The following SCUBE1 variants were observed in gnomAD, a reference collection of about 807,000 sequenced individuals.
SCUBE1 encodes signal peptide, CUB and EGF-like domain-containing protein 1.
SCUBE1 carries 59 observed loss-of-function variants against 124.4 expected under a neutral mutation model. The ratio of observed to expected loss-of-function variants is 0.47; its 90% CI spans 0.38 to 0.59. The LOEUF (loss-of-function observed/expected upper bound fraction) is 0.59. Among genes scored for constraint, SCUBE1 ranks in the 20% least tolerant of loss-of-function variants. The pLI, the probability that SCUBE1 is intolerant of heterozygous loss-of-function variation, is 0.00. For synonymous variants in SCUBE1, 545 were observed against 550.9 expected (o/e 0.99, Z 0.15); for missense variants, 1,150 against 1,371.2 (o/e 0.84, Z 2.55).
At chr22:43,275,823 G>C (rs1447390446) in intron 4 of SCUBE1, 1 of 152,618 alleles carries the variant, frequency 6.6e-6, no homozygotes, top group African/African-American at 2.4e-5. Context: ...TGGACTGTGG[G>C]AGGCCTTGGG....
At chr22:43,304,587 C>CGT (rs1041543178) in intron 3 of SCUBE1, among the ~76,000 whole-genome samples, 5 of 151,920 alleles carry the variant, frequency 3.3e-5, no homozygotes, top group South Asian at 2.1e-4. Context: ...TGCGGTTGGT[C>CGT]GTGTGTGTGT....
chr22:43,223,446 G>C (rs1922183403), intron 10 of SCUBE1, among the ~76,000 whole-genome samples: 1 of 152,216 alleles, frequency 6.6e-6, no homozygotes, highest in African/African-American at 2.4e-5. Context: ...AATCCTGGCT[G>C]TGAGAAGGTT....
chr22:43,285,356 C>T (rs1029929759), intron 4 of SCUBE1, among the ~76,000 whole-genome samples: 13 of 152,210 alleles, frequency 8.5e-5, no homozygotes, highest in Non-Finnish European at 7.3e-5. Context: ...GCTCTGCCCA[C>T]GCCCACCTTC....
chr22:43,214,491 C>A (rs1921722209), intron 15 of SCUBE1, among the ~76,000 whole-genome samples: 1 of 152,244 alleles, frequency 6.6e-6, no homozygotes, highest in Non-Finnish European at 1.5e-5. Context: ...CCTCTGTGGA[C>A]CCCTCCATCT....
chr22:43,251,382 C>T (rs895323106), intron 6 of SCUBE1, among the ~76,000 whole-genome samples: 7 of 152,214 alleles, frequency 4.6e-5, no homozygotes, highest in African/African-American at 1.7e-4. Context: ...GAATAATGCC[C>T]CCTTAAAATG....
intron 3 of SCUBE1, among the ~76,000 whole-genome samples, chr22:43,313,456 G>C (rs1468324880): frequency 6.6e-6 from 1 of 152,188 alleles, no homozygotes; most frequent in African/African-American, 2.4e-5. Context: ...TTGTGGAGAC[G>C]GGAAGAAATT....
chr22:43,247,796 C>T (rs1353013563), intron 6 of SCUBE1, among the ~76,000 whole-genome samples: 3 of 152,358 alleles, frequency 2.0e-5, no homozygotes, highest in East Asian at 1.9e-4. Flanking sequence ...CCTGTTTTTA[C>T]ACTTGGGCTC....
intron 1 of SCUBE1, among the ~76,000 whole-genome samples, chr22:43,339,568 C>G (rs1379683912): frequency 6.6e-6 from 1 of 151,434 alleles, no homozygotes. Context: ...CTGTCCTACT[C>G]CCCCAACAAG....
chr22:43,320,336 A>G (rs985099882), intron 2 of SCUBE1, among the ~76,000 whole-genome samples: 1 of 152,208 alleles, frequency 6.6e-6, no homozygotes, highest in African/African-American at 2.4e-5. Context: ...AGCTCTCTTG[A>G]AGCAGGGGGT....
chr22:43,212,276 C>A (rs914264011), intron 17 of SCUBE1, 149 bp downstream of exon 17: 2 of 863,210 alleles, frequency 2.3e-6, no homozygotes, highest in Non-Finnish European at 3.5e-6. Flanking sequence ...CAGTGGGTCA[C>A]CCACGCCCAC....
Position 43,234,487 on chromosome 22 carries a change from T to G in SCUBE1, c.845-2612A>C, listed in dbSNP as rs533362446. ...ATCCCCTGCCCCATCTGGGCCTGTCTGCTAAGGGGCTGTCATAGCAACCAG... is the reference window on the plus strand; with the variant it reads ...ATCCCCTGCCCCATCTGGGCCTGTCGGCTAAGGGGCTGTCATAGCAACCAG... On this transcript the variant is annotated intron_variant, in intron 7 of 21. Coordinates refer to ENST00000360835, the MANE Select transcript of SCUBE1 (RefSeq NM_173050.5). This position sits in a 1 kb window ranked among gnomAD's most constrained non-coding sequence, Gnocchi z 4.4. 8.1e-4 allele frequency among the ~76,000 whole-genome samples: 124 copies of G among 152,286 alleles called. No individual in the cohort carries two copies. The South Asian group carries it at 0.01, about 13-fold the overall frequency.
At chr22:43,280,728 ACC>A (rs1569009740) in intron 4 of SCUBE1, among the ~76,000 whole-genome samples, 10 of 145,644 alleles carry the variant, frequency 6.9e-5, no homozygotes, top group African/African-American at 1.0e-4. Context: ...CCCTCCTGTC[ACC>A]TTCCTCCTCG....
intron 4 of SCUBE1, among the ~76,000 whole-genome samples, chr22:43,281,520 C>T (rs1223553515): frequency 1.1e-5 from 1 of 92,240 alleles, no homozygotes; most frequent in Non-Finnish European, 2.2e-5. Flanking sequence ...CCTCAGCCAC[C>T]CTCCTGTCAC....
At chr22:43,311,482 G>A (rs990389570) in intron 3 of SCUBE1, among the ~76,000 whole-genome samples, 9 of 149,646 alleles carry the variant, frequency 6.0e-5, no homozygotes, top group Admixed American at 4.7e-4. Context: ...GTGCAGTGGT[G>A]TAATCTCGGC....
chr22:43,283,779 T>C (rs1442929553), intron 4 of SCUBE1: 3 of 152,384 alleles, frequency 2.0e-5, no homozygotes, highest in African/African-American at 7.2e-5. Flanking sequence ...TCACTATTTT[T>C]TGCAGCTTCT....
At chr22:43,294,615 G>A (rs1925490609) in intron 3 of SCUBE1, among the ~76,000 whole-genome samples, 1 of 152,158 alleles carries the variant, frequency 6.6e-6, no homozygotes, top group Non-Finnish European at 1.5e-5. Flanking sequence ...TTCTGCCCCT[G>A]TCTTGCCCTG....
chr22:43,231,224 G>A (rs185458659), intron 8 of SCUBE1, among the ~76,000 whole-genome samples: 34 of 152,232 alleles, frequency 2.2e-4, no homozygotes, highest in African/African-American at 8.2e-4. Flanking sequence ...TTTCACCAAC[G>A]GACCCTCCCC....
At chr22:43,240,185 T>C (rs1194404300) in intron 6 of SCUBE1, among the ~76,000 whole-genome samples, 1 of 152,142 alleles carries the variant, frequency 6.6e-6, no homozygotes, top group Non-Finnish European at 1.5e-5. Flanking sequence ...GGCTGAGCCA[T>C]CACCACCGTA....
At chr22:43,300,052 G>A (rs2146762000) in intron 3 of SCUBE1, among the ~76,000 whole-genome samples, 1 of 152,338 alleles carries the variant, frequency 6.6e-6, no homozygotes, top group East Asian at 1.9e-4. Context: ...GGTTGTGCTG[G>A]CTTTGTGGCT....
Sources: allele counts gnomAD v4.1 joint callset (sites outside exome capture counted in the v4.1 genomes callset), GRCh38; gene constraint gnomAD v4.1.1; non-coding constraint Gnocchi (gnomAD v3.1); transcripts MANE v1.5; gene names NCBI Gene and HGNC (gene_info 2026-07-23, HGNC 2026-07-21).